MCU: variants seen among roughly 807,000 people sequenced by gnomAD.
The protein encoded by MCU is calcium uniporter protein, mitochondrial.
MCU carries 12 observed loss-of-function variants against 45.2 expected under a neutral mutation model. The observed-to-expected ratio is 0.27, with a 90% CI of 0.17 to 0.43. The LOEUF (loss-of-function observed/expected upper bound fraction) is 0.43. Ranked by LOEUF, MCU falls within the 20% of genes least tolerant of loss-of-function variation. The pLI is 1.00. For missense variants in MCU, 324 were observed against 436.7 expected (o/e 0.74, Z 2.30); for synonymous variants, 160 against 165.1 (o/e 0.97, Z 0.24).
intron 1 of MCU, among the ~76,000 whole-genome samples, chr10:72,744,940 GT>G (rs1843393245): frequency 6.6e-6 from 1 of 151,916 alleles, no homozygotes; most frequent in Non-Finnish European, 1.5e-5. Flanking sequence ...AGAGGTTTTT[GT>G]TTTTGCTTTT....
intron 1 of MCU, among the ~76,000 whole-genome samples, chr10:72,749,820 G>A (rs1052671613): frequency 1.3e-5 from 2 of 152,108 alleles, no homozygotes; most frequent in Non-Finnish European, 2.9e-5. Context: ...AGGCTGGAGT[G>A]CAGTGGCGTG....
chr10:72,744,451 A>G (rs955067788), intron 1 of MCU, among the ~76,000 whole-genome samples: 3 of 152,218 alleles, frequency 2.0e-5, no homozygotes, highest in African/African-American at 4.8e-5. Flanking sequence ...AACACAAAAC[A>G]GCAAGGGTAG....
intron 2 of MCU, among the ~76,000 whole-genome samples, chr10:72,847,827 C>T (rs1465187139): frequency 1.3e-5 from 2 of 152,150 alleles, no homozygotes; most frequent in African/African-American, 2.4e-5. Context: ...GCCGGAAGAT[C>T]TGATTCTAAG....
chr10:72,800,529 A>C lies in MCU; in HGVS notation c.151-33830A>C, dbSNP rs1175372454. 2.6e-5 allele frequency among the ~76,000 whole-genome samples: 4 copies of C among 152,340 alleles called. 1 individual carries two copies. The East Asian group carries it at 7.7e-4, about 29-fold the overall frequency. ...AAACAGATGGAAAAGCCTGTTGGTCATGTATCAAGATTTATTTACTGAATG... is the reference window on the plus strand; with the variant it reads ...AAACAGATGGAAAAGCCTGTTGGTCCTGTATCAAGATTTATTTACTGAATG... On this transcript the variant is annotated intron_variant, in intron 1 of 7. Coordinates refer to ENST00000373053, the MANE Select transcript of MCU (RefSeq NM_138357.3).
chr10:72,714,702 G>T (rs1564536359), intron 1 of MCU, among the ~76,000 whole-genome samples: 1 of 151,918 alleles, frequency 6.6e-6, no homozygotes, highest in Non-Finnish European at 1.5e-5. Flanking sequence ...GCAACACCAC[G>T]CTGGGCAAAT....
intron 7 of MCU, among the ~76,000 whole-genome samples, chr10:72,885,393 G>T (rs1589514579): frequency 6.6e-6 from 1 of 152,130 alleles, no homozygotes; most frequent in Non-Finnish European, 1.5e-5. Context: ...TAAAGTTCTG[G>T]CTCTTAGCCC....
intron 1 of MCU, among the ~76,000 whole-genome samples, chr10:72,713,005 C>T (rs1434122281): frequency 6.6e-6 from 1 of 152,150 alleles, no homozygotes; most frequent in African/African-American, 2.4e-5. Context: ...CAAGCAAACA[C>T]AAGCCAAAAT....
rs561891226 is a variant in MCU, at chr10:72,832,556, C to A, written c.151-1803C>A. 1.2e-4 allele frequency among the ~76,000 whole-genome samples: 18 copies of A among 152,278 alleles called. No homozygotes were observed. In the South Asian group the frequency reaches 3.5e-3, roughly 30 times the overall value. On this transcript the variant is annotated intron_variant, in intron 1 of 7. Coordinates refer to ENST00000373053, the MANE Select transcript of MCU (RefSeq NM_138357.3). ...GCATGAAAACAACTTCAAAGTGCTT[C>A]TCAGAAATACAAACAGAGACTTAAA... is the stretch of plus-strand genomic sequence containing the variant.
rs182397243 is a variant in MCU at position 72,830,663 on chromosome 10, A to G, written c.151-3696A>G. 4.6e-5 allele frequency among the ~76,000 whole-genome samples: 7 copies of G among 152,366 alleles called. No individual in the cohort carries two copies. The South Asian group carries it at 1.2e-3, about 27-fold the overall frequency. On this transcript the variant is annotated intron_variant, in intron 1 of 7. Coordinates refer to ENST00000373053, the MANE Select transcript of MCU (RefSeq NM_138357.3). ...AGCAGTTTCTCCCTTCTCTTCTCAC[A>G]TCTTAGAATAGGAAGGAGAATAAGA...
rs752730140 is a variant in MCU at position 72,805,091 on chromosome 10, T to TTC, written c.151-29266_151-29265dup. On this transcript the variant is annotated intron_variant, in intron 1 of 7. Coordinates refer to ENST00000373053, the MANE Select transcript of MCU (RefSeq NM_138357.3). The stretch of plus-strand genomic sequence containing the variant: ...GGCCCTAGTTTGTTTCTTTCTTTCT[T>TTC]TCTTTCTTTCTCTTTCTTTCTTTCT... 2.7e-3 allele frequency among the ~76,000 whole-genome samples: 341 copies of TTC among 125,724 alleles called. 1 individual carries two copies. Among genetic ancestry groups the TTC allele is most frequent in the Non-Finnish European group, 2.7e-3 (160 of 58,924 alleles). 82.5% of individuals were successfully genotyped at this position (125,724 alleles called of 152,430 possible). A position where few individuals can be genotyped will look rare whatever the true frequency, so the allele number is the denominator to read the frequency against.
At chr10:72,722,720 A>G (rs1474169140) in intron 1 of MCU, among the ~76,000 whole-genome samples, 1 of 152,140 alleles carries the variant, frequency 6.6e-6, no homozygotes, top group Non-Finnish European at 1.5e-5. Flanking sequence ...TTCCTGTTAG[A>G]TGATTAAGAA....
chr10:72,812,443 T>C (rs1222365236), intron 1 of MCU, among the ~76,000 whole-genome samples: 2 of 152,142 alleles, frequency 1.3e-5, no homozygotes, highest in Non-Finnish European at 2.9e-5. Flanking sequence ...ACTGCGCCCA[T>C]ACTCCAGATT....
chr10:72,771,214 G>T (rs1843802829), intron 1 of MCU, among the ~76,000 whole-genome samples: 2 of 151,716 alleles, frequency 1.3e-5, no homozygotes, highest in African/African-American at 2.4e-5. Context: ...CCTAATCCCT[G>T]ACAGGCCCCA....
At chr10:72,848,552 A>G (rs73286801) in intron 2 of MCU, among the ~76,000 whole-genome samples, 7,986 of 152,136 alleles carry the variant, frequency 0.052, 696 homozygotes, top group African/African-American at 0.18. Context: ...TCATGACCTA[A>G]TCACCTCTTA....
chr10:72,724,215 C>T (rs1269827193), intron 1 of MCU, among the ~76,000 whole-genome samples: 2 of 152,174 alleles, frequency 1.3e-5, no homozygotes, highest in South Asian at 2.1e-4. Flanking sequence ...GAATGTATTC[C>T]TTGAAGTAGA....
intron 1 of MCU, among the ~76,000 whole-genome samples, chr10:72,800,184 C>T (rs1367750540): frequency 1.3e-5 from 2 of 152,326 alleles, no homozygotes; most frequent in African/African-American, 2.4e-5. Context: ...CTTTTCCAAG[C>T]ACAGCATGAT....
chr10:72,704,091 A>G (rs778445348), intron 1 of MCU, among the ~76,000 whole-genome samples: 12 of 152,186 alleles, frequency 7.9e-5, no homozygotes, highest in Non-Finnish European at 1.6e-4. Flanking sequence ...AAGAATTTCA[A>G]GTGGGAGAAT....
At chr10:72,855,490 G>A (rs1396046552) in intron 2 of MCU, among the ~76,000 whole-genome samples, 1 of 152,118 alleles carries the variant, frequency 6.6e-6, no homozygotes, top group Non-Finnish European at 1.5e-5. Context: ...GCTGAGGTAG[G>A]AGGATCACTT....
At chr10:72,874,631 C>A (rs906314290) in intron 6 of MCU, among the ~76,000 whole-genome samples, 1 of 152,176 alleles carries the variant, frequency 6.6e-6, no homozygotes, top group African/African-American at 2.4e-5. Context: ...TTATGTCTTA[C>A]AATTGCTTGC....
Sources: gnomAD v4.1 joint callset for allele counts (sites outside exome capture counted in the v4.1 genomes callset) on GRCh38, gnomAD v4.1.1 for gene constraint, MANE v1.5 for transcripts, NCBI Gene and HGNC (gene_info 2026-07-23, HGNC 2026-07-21) for gene names.